Variants in ZNF44 observed in about 807,000 individuals in gnomAD.
The protein encoded by ZNF44 is gonadotropin inducible transcription repressor-2.
Under a neutral mutation model 11.7 loss-of-function variants are expected in ZNF44, and 9 were observed. The ratio of observed to expected loss-of-function variants is 0.77; its 90% CI spans 0.46 to 1.35. The LOEUF is 1.35. Ranked by LOEUF, ZNF44 falls within the 40% of genes most tolerant of loss-of-function variation. The probability of loss-of-function intolerance (pLI) is 0.00; values close to 1 mark genes in which losing one functional copy is unlikely to be tolerated. For missense variants in ZNF44, 696 were observed against 743.1 expected, an observed-to-expected ratio of 0.94 and a Z score of 0.74; for synonymous variants, 224 against 242.7, an observed-to-expected ratio of 0.92 and a Z score of 0.72.
At position 12,273,835 on chromosome 19, in the gene ZNF44, T is replaced by A. The variant is rs755789550; in HGVS notation, c.420A>T (p.Ser140=). Residue 140 remains serine, a synonymous_variant, in exon 4 of 4, where the codon TCA becomes TCT. Coordinates refer to ENST00000355684, the MANE Select transcript of ZNF44 (RefSeq NM_016264.4). The part of the protein sequence containing the change: ...HRECHEYAEK[S]YTHKQCGKGL... ...CTTTCCCACACTGCTTATGTGTATA[T>A]GACTTCTCTGCATATTCATGACACT... 2 of 1,614,234 alleles carry A rather than the reference T, an allele frequency of 1.2e-6. No homozygotes were observed. The highest frequency in any genetic ancestry group is 1.7e-5 in the Admixed American group (1 of 60,032).
At position 12,272,468 on chromosome 19, in the gene ZNF44, G is replaced by T. The variant is rs756309018; in HGVS notation, c.1787C>A (p.Ala596Asp). The T allele has an allele frequency of 7.5e-6, 12 of 1,599,124 alleles. No homozygotes were observed. The highest frequency in any genetic ancestry group is 1.0e-5 in the Non-Finnish European group (12 of 1,175,062). ...KPYECKECGKAFSSLSSFNRH... is the reference protein window; with the variant it reads ...KPYECKECGKDFSSLSSFNRH... ...ATTAAAGGAACTGAGAGAACTGAAG[G>T]CTTTCCCACATTCCTTACATTCATA... The change falls in exon 4 of 4, where the codon GCC becomes GAC. Residue 596 changes from alanine to aspartate, a missense_variant. Physicochemically the swap from Ala to Asp is moderately radical, Grantham distance 126. Transcript: ENST00000355684.
At chr19:12,247,186 C>A, downstream of ZNF44, 1 of 676,760 alleles carries the variant, frequency 1.5e-6, no homozygotes, top group Non-Finnish European at 2.0e-6. Flanking sequence ...GTATTACTTA[C>A]ATTCATGCAA....
chr19:12,292,018 G>GA (rs1332809375), intron 1 of ZNF44, among the ~76,000 whole-genome samples: 1 of 149,982 alleles, frequency 6.7e-6, no homozygotes, highest in African/African-American at 2.4e-5. Flanking sequence ...GAAAAGAAAA[G>GA]AAAAAAAGTT....
At chr19:12,261,872 T>A (rs1013269825) in intron 5 of ZNF44, among the ~76,000 whole-genome samples, 6 of 152,210 alleles carry the variant, frequency 3.9e-5, no homozygotes, top group Non-Finnish European at 7.3e-5. Flanking sequence ...TTTGTGTGTA[T>A]TTTAAATGAT....
intron 5 of ZNF44, chr19:12,260,057 C>A (rs550783172): frequency 4.2e-5 from 22 of 519,542 alleles, no homozygotes; most frequent in Non-Finnish European, 7.4e-5. Flanking sequence ...TGGGGCAACC[C>A]AGGCATCAGT....
intron 2 of ZNF44, among the ~76,000 whole-genome samples, chr19:12,233,657 G>GAACC (rs543475660): frequency 1.3e-3 from 201 of 150,520 alleles, no homozygotes; most frequent in African/African-American, 4.8e-3. Flanking sequence ...TATGTTCACA[G>GAACC]AACCAAAGAA....
At chr19:12,258,404 T>C (rs913358743) in intron 5 of ZNF44, among the ~76,000 whole-genome samples, 1 of 149,602 alleles carries the variant, frequency 6.7e-6, no homozygotes, top group African/African-American at 2.5e-5. Context: ...CAACCATTAA[T>C]GGTTTTGTAT....
At chr19:12,243,666 TTG>T (rs887582901), downstream of ZNF44, among the ~76,000 whole-genome samples, 1 of 152,234 alleles carries the variant, frequency 6.6e-6, no homozygotes, top group African/African-American at 2.4e-5. Flanking sequence ...ATCACTGCCT[TTG>T]GTCATATATG....
downstream of ZNF44, among the ~76,000 whole-genome samples, chr19:12,267,555 T>C (rs1722911208): frequency 6.6e-6 from 1 of 152,154 alleles, no homozygotes; most frequent in South Asian, 2.1e-4. Context: ...ATTCCCAAGC[T>C]GGGGAGTCAG....
chr19:12,271,067 A>ATGC (rs1380591049), downstream of ZNF44, among the ~76,000 whole-genome samples: 2 of 151,410 alleles, frequency 1.3e-5, no homozygotes, highest in Admixed American at 6.6e-5. Flanking sequence ...GATGATGATG[A>ATGC]TGCTGCTGAT....
At chr19:12,274,893 T>A in intron 3 of ZNF44, 80 bp downstream of exon 3, 1 of 1,069,580 alleles carries the variant, frequency 9.3e-7, no homozygotes, top group Admixed American at 2.6e-5. Flanking sequence ...TTGTTCATAA[T>A]CTTTGCTTCT....
chr19:12,293,189 G>A, intron 1 of ZNF44: 1 of 1,522,050 alleles, frequency 6.6e-7, no homozygotes, highest in Non-Finnish European at 8.8e-7. Flanking sequence ...GCTTTTTACA[G>A]GAATGATATA....
chr19:12,254,314 CT>C (rs1917152820), intron 5 of ZNF44, among the ~76,000 whole-genome samples: 1 of 152,214 alleles, frequency 6.6e-6, no homozygotes, highest in South Asian at 2.1e-4. Context: ...CCACACACCT[CT>C]AAACGACCCA....
At chr19:12,233,829 C>T (rs975283327) in intron 2 of ZNF44, among the ~76,000 whole-genome samples, 8 of 151,824 alleles carry the variant, frequency 5.3e-5, no homozygotes, top group Non-Finnish European at 8.8e-5. Flanking sequence ...TTTGGGAGAC[C>T]GAGGCAGGTG....
At chr19:12,266,354 G>GAGCTGACACACCCTC (rs1346068219) in intron 5 of ZNF44, 2 of 984,138 alleles carry the variant, frequency 2.0e-6, no homozygotes. Flanking sequence ...GACACACCCT[G>GAGCTGACACACCCTC]AGCTGACACA....
downstream of ZNF44, among the ~76,000 whole-genome samples, chr19:12,225,678 G>A (rs1368684894): frequency 6.6e-6 from 1 of 152,188 alleles, no homozygotes; most frequent in Admixed American, 6.5e-5. Context: ...AGTAGAGTGA[G>A]TAAAGCAATT....
intron 5 of ZNF44, chr19:12,266,171 G>T: frequency 2.4e-6 from 2 of 827,130 alleles, no homozygotes; most frequent in Non-Finnish European, 2.9e-6. Context: ...GGGGACTAGA[G>T]CCCCAGACCC....
chr19:12,271,559 T>C (rs951747248), downstream of ZNF44, among the ~76,000 whole-genome samples: 2 of 152,200 alleles, frequency 1.3e-5, no homozygotes, highest in Non-Finnish European at 2.9e-5. Flanking sequence ...TTAGGCACCA[T>C]ACAGCAATCA....
At chr19:12,294,460 G>A (rs905317617) in intron 1 of ZNF44, among the ~76,000 whole-genome samples, 2 of 152,236 alleles carry the variant, frequency 1.3e-5, no homozygotes, top group African/African-American at 4.8e-5. Context: ...GAGGGGCGCC[G>A]GGGCCGGGGC....
Sources: gnomAD v4.1 joint callset for allele counts (sites outside exome capture counted in the v4.1 genomes callset) on GRCh38, gnomAD v4.1.1 for gene constraint, MANE v1.5 for transcripts, NCBI Gene and HGNC (gene_info 2026-07-23, HGNC 2026-07-21) for gene names.